The following C2CD2 variants were observed in gnomAD, a reference collection of about 807,000 sequenced individuals.
C2CD2 encodes the protein C2 domain-containing protein 2.
Under a neutral mutation model 74.3 loss-of-function variants are expected in C2CD2, and 43 were observed. The observed-to-expected ratio is 0.58, with a 90% confidence interval of 0.45 to 0.75. The LOEUF (loss-of-function observed/expected upper bound fraction) is 0.75. Ranked by LOEUF, C2CD2 falls within the 30% of genes least tolerant of loss-of-function variation. C2CD2 has a pLI of 0.00. For synonymous variants in C2CD2, 422 were observed against 390.7 expected (o/e 1.08, Z -0.94); for missense variants, 801 against 916.3 (o/e 0.87, Z 1.63).
At chr21:41,891,854 T>G (rs2064758570) in intron 13 of C2CD2, among the ~76,000 whole-genome samples, 1 of 151,896 alleles carries the variant, frequency 6.6e-6, no homozygotes, top group Non-Finnish European at 1.5e-5. Context: ...CCCCCAGCAG[T>G]GAGAGGTTCC....
rs980889355 is a variant in C2CD2 at position 41,903,045 on chromosome 21, T to A, written c.1433-1296A>T. 1.3e-5 allele frequency among the ~76,000 whole-genome samples: 2 copies of A among 152,106 alleles called. No individual in the cohort carries two copies. Among genetic ancestry groups the A allele is most frequent in the African/African-American group, 4.8e-5 (2 of 41,410 alleles). ...TCAATCATGCCTACATACCTACTTA[T>A]AGAAGCACCATAAACCCCCTAAATG... On this transcript the variant is annotated intron_variant, in intron 11 of 13. Transcript: ENST00000380486. This position sits in a 1 kb window ranked among gnomAD's most constrained non-coding sequence, Gnocchi z 4.5.
chr21:41,919,028 A>G (rs982091779), intron 3 of C2CD2, 68 bp from the exon 4 acceptor site: 37 of 1,047,310 alleles, frequency 3.5e-5, no homozygotes, highest in Non-Finnish European at 5.3e-5. Context: ...GTGCGTGTGC[A>G]TGTGACTGTG....
At chr21:41,897,226 C>T (rs1483114677) in intron 13 of C2CD2, among the ~76,000 whole-genome samples, 5 of 152,212 alleles carry the variant, frequency 3.3e-5, no homozygotes, top group Admixed American at 3.3e-4. Context: ...TGTGAAGGAA[C>T]ACAGATCTTT....
Position 41,938,742 on chromosome 21 carries a change from C to CT in C2CD2, c.378+3404dup, listed in dbSNP as rs58050288. Among the ~76,000 whole-genome samples the CT allele has an allele frequency of 4.2e-3, 580 of 139,052 alleles. 2 individuals are homozygous for CT. The highest frequency in any genetic ancestry group is 0.01 in the East Asian group (49 of 4,780). The allele number at this position is 139,052 out of a possible 152,430, so 91.2% of individuals were successfully genotyped here. ...CTATGTCAGAATGTCCTTGCTTTCT[C>CT]TTTTTTTTTTTTTTTTTGAGATGGA... is the stretch of plus-strand genomic sequence containing the variant. On this transcript the variant is annotated intron_variant, in intron 2 of 13. Transcript: ENST00000380486.
At chr21:41,949,288 T>C (rs2146237866) in intron 1 of C2CD2, among the ~76,000 whole-genome samples, 1 of 152,330 alleles carries the variant, frequency 6.6e-6, no homozygotes, top group South Asian at 2.1e-4. Flanking sequence ...AATATTGATG[T>C]AATCGCAGGG....
chr21:41,948,871 T>TTTTTTTTTTTTG, intron 1 of C2CD2, among the ~76,000 whole-genome samples: 1 of 63,704 alleles, frequency 1.6e-5, no homozygotes, highest in Non-Finnish European at 3.0e-5. Context: ...ACACAGCATC[T>TTTTTTTTTTTTG]TTTTTTTTTT....
In C2CD2 at chr21:41,912,421, G is replaced by A. The variant is rs373152689; in HGVS notation, c.864C>T (p.Cys288=). The A allele has an allele frequency of 7.5e-5, 121 of 1,610,674 alleles. No homozygotes were observed. The highest frequency in any genetic ancestry group is 2.0e-4 in the African/African-American group (15 of 74,942). The stretch of plus-strand genomic sequence containing the variant: ...GAACAGGATCGTTCAGCTGCACGAC[G>A]CACACTGCATTAATGTGGCCTGTAA... ...PGASGHINAV[C]VVQLNDPVQR... The change falls in exon 7 of 14, where the codon TGC becomes TGT. Residue 288 remains cysteine (C), a synonymous_variant. Coordinates refer to ENST00000380486, the MANE Select transcript of C2CD2 (RefSeq NM_015500.2).
chr21:41,899,412 G>T lies in C2CD2; in HGVS notation c.1561-50C>A. ...ACAAGGGATACATGAAAGGAAGGGAGGGTTTGAAAAGAACTGAAAAGCACT... is the reference window on the plus strand; with the variant it reads ...ACAAGGGATACATGAAAGGAAGGGATGGTTTGAAAAGAACTGAAAAGCACT... On this transcript the variant is annotated intron_variant, in intron 12 of 13. Transcript: ENST00000380486. The surrounding 1 kb of genome is among the most constrained non-coding windows in gnomAD (Gnocchi z 4.4). 6.5e-7 allele frequency: 1 copy of T among 1,549,956 alleles called. No individual in the cohort carries two copies. Among genetic ancestry groups the T allele is most frequent in the Non-Finnish European group, 8.8e-7 (1 of 1,142,318 alleles).
intron 1 of C2CD2, among the ~76,000 whole-genome samples, chr21:41,947,743 T>A (rs918862103): frequency 1.3e-5 from 2 of 151,748 alleles, no homozygotes; most frequent in African/African-American, 4.8e-5. Context: ...TCTAGGAGAG[T>A]GGATTTTGTT....
At position 41,945,082 on chromosome 21, in the gene C2CD2, T is replaced by C. The variant is rs2146231343; in HGVS notation, c.280-2837A>G. Reference sequence around the variant, plus strand: ...GGTTGGGAACTCAGAAACTACTTCATGCATATACTAGAACTGAACACATAA... The same window carrying C: ...GGTTGGGAACTCAGAAACTACTTCACGCATATACTAGAACTGAACACATAA... On this transcript the variant is annotated intron_variant, in intron 1 of 13. Transcript: ENST00000380486. The surrounding 1 kb of genome is among the most constrained non-coding windows in gnomAD (Gnocchi z 4.2). 6.6e-6 allele frequency among the ~76,000 whole-genome samples: 1 copy of C among 152,340 alleles called. No homozygotes were observed. Among genetic ancestry groups the C allele is most frequent in the Admixed American group, 6.5e-5 (1 of 15,302 alleles).
At chr21:41,898,612 G>A (rs1282042975) in intron 13 of C2CD2, among the ~76,000 whole-genome samples, 1 of 152,190 alleles carries the variant, frequency 6.6e-6, no homozygotes, top group African/African-American at 2.4e-5. Context: ...GTCAGGTGGT[G>A]AGGTCTGGTT....
chr21:41,942,127 G>C lies in C2CD2; in HGVS notation c.378+20C>G, dbSNP rs557528214. On this transcript the variant is annotated intron_variant, in intron 2 of 13. Coordinates refer to ENST00000380486, the MANE Select transcript of C2CD2 (RefSeq NM_015500.2). Reference sequence around the variant, plus strand: ...CATCAAGTTCACCTCTTCCTGCAGGGAATGGGCTCCTGGGCTCACCTTCTC... The same window carrying C: ...CATCAAGTTCACCTCTTCCTGCAGGCAATGGGCTCCTGGGCTCACCTTCTC... 131 of 1,548,664 alleles carry C rather than the reference G, an allele frequency of 8.5e-5. No individual in the cohort carries two copies. In the Middle Eastern group the frequency reaches 1.1e-3, roughly 14 times the overall value.
At chr21:41,909,607 G>A (rs996810711) in intron 7 of C2CD2, 84 bp from the exon 8 acceptor site, 1 of 958,304 alleles carries the variant, frequency 1.0e-6, no homozygotes, top group African/African-American at 1.6e-5. Flanking sequence ...TCTGATTATA[G>A]AAAGGAAGAC....
intron 1 of C2CD2, among the ~76,000 whole-genome samples, chr21:41,948,870 C>CATTTTTTTTTT (rs2065424447): frequency 1.2e-5 from 1 of 80,686 alleles, no homozygotes; most frequent in Non-Finnish European, 2.3e-5. Context: ...CACACAGCAT[C>CATTTTTTTTTT]TTTTTTTTTT....
intron 1 of C2CD2, among the ~76,000 whole-genome samples, chr21:41,947,179 C>T (rs941507755): frequency 6.0e-5 from 7 of 117,456 alleles, no homozygotes; most frequent in East Asian, 5.6e-4. Flanking sequence ...TTTTTTGAGA[C>T]GGAGTTTCAC....
intron 1 of C2CD2, 80 bp downstream of exon 1, chr21:41,953,290 G>T: frequency 2.1e-6 from 2 of 946,578 alleles, no homozygotes; most frequent in South Asian, 2.3e-5. Context: ...GGGCTGCAGC[G>T]ACGCCTCCAG....
intron 4 of C2CD2, among the ~76,000 whole-genome samples, chr21:41,918,482 C>T (rs190082486): frequency 4.7e-4 from 71 of 152,276 alleles, no homozygotes; most frequent in African/African-American, 1.5e-3. Context: ...CATGGTGGAG[C>T]GTCAAGCAGG....
At chr21:41,947,836 G>C (rs1206764959) in intron 1 of C2CD2, among the ~76,000 whole-genome samples, 1 of 152,188 alleles carries the variant, frequency 6.6e-6, no homozygotes, top group Non-Finnish European at 1.5e-5. Flanking sequence ...GGTAGAGCTG[G>C]AGCACAAAGC....
rs532857604 is a variant in C2CD2 at position 41,929,090 on chromosome 21, A to G, written c.379-7005T>C. ...TATAGTGAGATCCCACCTCTAAAAA[A>G]TATTTAAAAAGTAAAAAAAAAAAAA... On this transcript the variant is annotated intron_variant, in intron 2 of 13. Coordinates refer to ENST00000380486, the MANE Select transcript of C2CD2 (RefSeq NM_015500.2). The surrounding 1 kb of genome is among the most constrained non-coding windows in gnomAD (Gnocchi z 4.6). Among the ~76,000 whole-genome samples, 2 of 151,814 alleles carry G rather than the reference A, an allele frequency of 1.3e-5. No individual in the cohort carries two copies. Among genetic ancestry groups the G allele is most frequent in the Non-Finnish European group, 2.9e-5 (2 of 68,006 alleles).
Sources: allele counts gnomAD v4.1 joint callset (sites outside exome capture counted in the v4.1 genomes callset), GRCh38; gene constraint gnomAD v4.1.1; non-coding constraint Gnocchi (gnomAD v3.1); transcripts MANE v1.5; gene names NCBI Gene and HGNC (gene_info 2026-07-23, HGNC 2026-07-21).